Variants in NFIB observed in about 807,000 individuals in gnomAD.
NFIB encodes nuclear factor I B.
In NFIB, 11 loss-of-function variants were observed where a neutral mutation model predicts 61.5. The ratio of observed to expected loss-of-function variants is 0.18; its 90% CI spans 0.11 to 0.30. NFIB has a LOEUF of 0.30. Ranked by LOEUF, NFIB falls within the 10% of genes least tolerant of loss-of-function variation. The probability of loss-of-function intolerance (pLI) is 1.00; values close to 1 mark genes in which losing one functional copy is unlikely to be tolerated. For synonymous variants in NFIB, 260 were observed against 216.5 expected (o/e 1.20, Z -1.76); for missense variants, 471 against 608.9 (o/e 0.77, Z 2.38).
intron 2 of NFIB, among the ~76,000 whole-genome samples, chr9:14,205,616 C>T (rs559971316): frequency 6.6e-6 from 1 of 152,244 alleles, no homozygotes; most frequent in African/African-American, 2.4e-5. Context: ...TGGTGTACTC[C>T]TGTAATCATC....
intron 1 of NFIB, among the ~76,000 whole-genome samples, chr9:14,368,205 T>C (rs925363030): frequency 2.0e-5 from 3 of 150,032 alleles, no homozygotes; most frequent in South Asian, 2.1e-4. Flanking sequence ...GATGCTGTCC[T>C]GAGAGAAATG....
Position 14,232,763 on chromosome 9 carries a change from G to A in NFIB, c.563-52983C>T, listed in dbSNP as rs530860501. Reference sequence around the variant, plus strand: ...CTTAAGTGATTTACAGAATCCTAAAGTGTAGCAAGTTCTTATAATGAGTTG... The same window carrying A: ...CTTAAGTGATTTACAGAATCCTAAAATGTAGCAAGTTCTTATAATGAGTTG... On this transcript the variant is annotated intron_variant, in intron 2 of 10. Coordinates refer to ENST00000380953, the MANE Select transcript of NFIB (RefSeq NM_001190737.2). 2.6e-5 allele frequency among the ~76,000 whole-genome samples: 4 copies of A among 152,312 alleles called. No homozygotes were observed. In the East Asian group the frequency reaches 7.7e-4, roughly 29 times the overall value.
At chr9:14,202,422 T>A (rs1453395566) in intron 2 of NFIB, among the ~76,000 whole-genome samples, 1 of 152,198 alleles carries the variant, frequency 6.6e-6, no homozygotes, top group Non-Finnish European at 1.5e-5. Flanking sequence ...GTTCGGGAGC[T>A]GAAGAGTCAA....
chr9:14,233,210 C>A (rs1382930207), intron 2 of NFIB, among the ~76,000 whole-genome samples: 2 of 152,144 alleles, frequency 1.3e-5, no homozygotes. Context: ...CAAAATCACA[C>A]AAATATTGCC....
intron 6 of NFIB, among the ~76,000 whole-genome samples, chr9:14,144,285 A>G (rs1192456099): frequency 6.6e-6 from 1 of 152,184 alleles, no homozygotes; most frequent in Non-Finnish European, 1.5e-5. Flanking sequence ...TCTATAATAA[A>G]GAACACCTAC....
rs2041799811 is a variant in NFIB, at chr9:14,142,139, T to C, written c.925+4550A>G. ...TGTTAAATTACTGAGTGATATGGTT[T>C]AGCTGTGTCCCCACCCAAATCTCAT... On this transcript the variant is annotated intron_variant, in intron 6 of 10. Coordinates refer to ENST00000380953, the MANE Select transcript of NFIB (RefSeq NM_001190737.2). 2.0e-5 allele frequency among the ~76,000 whole-genome samples: 3 copies of C among 152,170 alleles called. No individual in the cohort carries two copies. The South Asian group carries it at 6.2e-4, about 31-fold the overall frequency.
chr9:14,167,364 G>A (rs565367908), intron 3 of NFIB, among the ~76,000 whole-genome samples: 24 of 152,136 alleles, frequency 1.6e-4, no homozygotes, highest in African/African-American at 5.8e-4. Context: ...ACAACATAGC[G>A]AAACCCTACA....
Position 14,088,076 on chromosome 9 carries a change from T to G in NFIB, c.*233A>C, listed in dbSNP as rs1345447009. On this transcript the variant is annotated 3_prime_UTR_variant, in exon 11 of 11. Transcript: ENST00000380953. ...GTAAGTGCTGCAATTGCTGGTCTAT[T>G]ATCTTCTTTCTTCAGTTTCTTTCCT... The G allele has an allele frequency of 6.5e-6, 6 of 920,538 alleles. No individual in the cohort carries two copies. The African/African-American group carries it at 1.0e-4, about 16-fold the overall frequency. The allele number at this position is 920,538 out of a possible 1,614,324, so 57.0% of individuals were successfully genotyped here.
intron 2 of NFIB, among the ~76,000 whole-genome samples, chr9:14,261,811 C>G (rs1478125665): frequency 6.6e-6 from 1 of 152,182 alleles, no homozygotes; most frequent in Non-Finnish European, 1.5e-5. Context: ...TTCAGTGTTT[C>G]TTTACATGCT....
At chr9:14,398,625 T>C (rs1385606438) in exon 1 of NFIB, 6 of 1,529,676 alleles carry the variant, frequency 3.9e-6, no homozygotes, top group Non-Finnish European at 4.4e-6. Flanking sequence ...ACTGGGATTC[T>C]TTCCATACTC....
chr9:14,494,847 C>A, the NFIB span, among the ~76,000 whole-genome samples: 82,377 of 151,888 alleles, frequency 0.54, 23,150 homozygotes, highest in South Asian at 0.68. Context: ...CTATCCCAAA[C>A]ACCATCCACT....
chr9:14,378,562 G>A (rs1186900276), intron 1 of NFIB, among the ~76,000 whole-genome samples: 2 of 152,104 alleles, frequency 1.3e-5, no homozygotes, highest in South Asian at 2.1e-4. Flanking sequence ...TCACCATATC[G>A]GCCAGGATGG....
intron 2 of NFIB, among the ~76,000 whole-genome samples, chr9:14,274,478 C>T (rs1238964982): frequency 6.6e-6 from 1 of 152,162 alleles, no homozygotes; most frequent in East Asian, 1.9e-4. Flanking sequence ...CTGGGCTGAG[C>T]AGCTTTTCTT....
chr9:14,198,650 C>T (rs577451235), intron 2 of NFIB, among the ~76,000 whole-genome samples: 2 of 152,178 alleles, frequency 1.3e-5, no homozygotes, highest in African/African-American at 2.4e-5. Flanking sequence ...CGACCTCACC[C>T]GCAATGACTG....
At chr9:14,475,409 T>G in the NFIB span, among the ~76,000 whole-genome samples, 1 of 152,202 alleles carries the variant, frequency 6.6e-6, no homozygotes, top group African/African-American at 2.4e-5. Flanking sequence ...TTAGCCTTAG[T>G]AAGTGAGGAG....
At chr9:14,384,750 C>G (rs1279376001) in intron 1 of NFIB, among the ~76,000 whole-genome samples, 1 of 152,138 alleles carries the variant, frequency 6.6e-6, no homozygotes. Context: ...TATTCATGGC[C>G]TGGTATCAAA....
chr9:14,486,139 G>A, the NFIB span, among the ~76,000 whole-genome samples: 2 of 152,160 alleles, frequency 1.3e-5, no homozygotes, highest in Non-Finnish European at 2.9e-5. Flanking sequence ...TTGGTCAAGC[G>A]TGTATGTGAA....
At chr9:14,489,226 C>G in the NFIB span, among the ~76,000 whole-genome samples, 5 of 152,124 alleles carry the variant, frequency 3.3e-5, no homozygotes, top group African/African-American at 1.2e-4. Flanking sequence ...AAAGTAGTTT[C>G]ATGTAAATGT....
chr9:14,198,597 G>T (rs1420130829), intron 2 of NFIB, among the ~76,000 whole-genome samples: 1 of 152,178 alleles, frequency 6.6e-6, no homozygotes, highest in Non-Finnish European at 1.5e-5. Flanking sequence ...ATTCTAGTGA[G>T]CATCAGATTC....
Sources: allele counts gnomAD v4.1 joint callset (sites outside exome capture counted in the v4.1 genomes callset), GRCh38; gene constraint gnomAD v4.1.1; transcripts MANE v1.5; gene names NCBI Gene and HGNC (gene_info 2026-07-23, HGNC 2026-07-21).